HCN4: variants seen among roughly 807,000 people sequenced by gnomAD.
HCN4 encodes the protein hyperpolarization activated cyclic nucleotide gated potassium channel 4, also known as potassium/sodium hyperpolarization-activated cyclic nucleotide-gated channel 4.
HCN4 carries 29 observed loss-of-function variants against 76.9 expected under a neutral mutation model. That is an observed-to-expected ratio of 0.38 (90% CI 0.28 to 0.51). HCN4 has a LOEUF of 0.51. HCN4 is among the 20% of genes least tolerant of loss of function. The probability of loss-of-function intolerance (pLI) is 0.90; values close to 1 mark genes in which losing one functional copy is unlikely to be tolerated. For missense variants in HCN4, 1,416 were observed against 1,715.2 expected (o/e 0.83, Z 3.08); for synonymous variants, 772 against 762.5 (o/e 1.01, Z -0.21).
rs894325793 is a variant in HCN4, at chr15:73,367,677, G to C, written c.594C>G (p.Asp198Glu). ...IKVEGGAAAG[D>E]QILPEAEVRL... ...GCACCTCGGCCTCCGGGAGGATCTG[G>C]TCGCCGGCAGCCGCGCCTCCCTCCA... The change falls in exon 1 of 8, where the codon GAC becomes GAG. Residue 198 changes from aspartate (D) to glutamate (E), a missense_variant. Physicochemically the swap from Asp to Glu is conservative, Grantham distance 45 (BLOSUM62 2). Transcript: ENST00000261917. The surrounding 1 kb of genome is among the most constrained non-coding windows in gnomAD (Gnocchi z 7.5). The C allele has an allele frequency of 1.2e-6, 2 of 1,602,648 alleles. No homozygotes were observed. Among genetic ancestry groups the C allele is most frequent in the African/African-American group, 2.7e-5 (2 of 74,908 alleles).
At chr15:73,337,378 ACATCTAAATGAATGAGTGGGTAC>A (rs539153185) in intron 2 of HCN4, among the ~76,000 whole-genome samples, 38 of 152,368 alleles carry the variant, frequency 2.5e-4, no homozygotes, top group Non-Finnish European at 4.0e-4. Flanking sequence ...AAATGCGCGT[ACATCTAAATGAATGAGTGGGTAC>A]CATATGGGAG....
chr15:73,348,388 A>C (rs995362058), intron 1 of HCN4, among the ~76,000 whole-genome samples: 87 of 152,266 alleles, frequency 5.7e-4, no homozygotes, highest in African/African-American at 2.0e-3. Context: ...ATGCACAGAC[A>C]CGAACATGCG....
intron 2 of HCN4, among the ~76,000 whole-genome samples, chr15:73,338,134 T>C (rs2042977695): frequency 6.6e-6 from 1 of 152,196 alleles, no homozygotes; most frequent in South Asian, 2.1e-4. Flanking sequence ...GGGAAGTGGT[T>C]GCCGAGAACA....
At chr15:73,359,127 G>A (rs926025173) in intron 1 of HCN4, among the ~76,000 whole-genome samples, 2 of 152,252 alleles carry the variant, frequency 1.3e-5, no homozygotes, top group African/African-American at 2.4e-5. Context: ...ATCATCAGCA[G>A]CCAATTATCA....
At position 73,321,192 on chromosome 15, in the gene HCN4, A is replaced by G. The variant is rs1282443852; in HGVS notation, c.*1289T>C. 1 of 152,232 alleles carries G rather than the reference A, an allele frequency of 6.6e-6. No homozygotes were observed. Among genetic ancestry groups the G allele is most frequent in the Admixed American group, 6.5e-5 (1 of 15,278 alleles). 9.4% of individuals were successfully genotyped at this position (152,232 alleles called of 1,614,324 possible). ...TAACTTGCCCAAGATCATACAGCTA[A>G]GAAGTGGCAGGGCTGGGATTCAAAC... On this transcript the variant is annotated 3_prime_UTR_variant, in exon 8 of 8. Transcript: ENST00000261917.
intron 6 of HCN4, 53 bp downstream of exon 6, chr15:73,324,902 A>C (rs1413763389): frequency 2.2e-5 from 36 of 1,610,002 alleles, no homozygotes; most frequent in Non-Finnish European, 2.9e-5. Context: ...TATCTCCCCA[A>C]ACCAGCCCCT....
In HCN4 at chr15:73,343,774, C is replaced by T. The variant is rs752026560; in HGVS notation, c.820G>A (p.Val274Met). ...ACAGGAATGATAATCAGGTTTCCCACCATCAGCAGCAGCATGGTCAGGTCC... is the reference window on the plus strand; with the variant it reads ...ACAGGAATGATAATCAGGTTTCCCATCATCAGCAGCAGCATGGTCAGGTCC... Reference protein sequence around the residue: ...YWDLTMLLLMVGNLIIIPVGI... With the variant: ...YWDLTMLLLMMGNLIIIPVGI... Residue 274 changes from valine to methionine, a missense_variant, in exon 2 of 8, where the codon GTG becomes ATG. This residue lies in a region of HCN4 where 52 missense variants were observed against 129.1 expected (regional missense o/e 0.40). Transcript: ENST00000261917. This position sits in a 1 kb window ranked among gnomAD's most constrained non-coding sequence, Gnocchi z 5.7. The T allele has an allele frequency of 1.2e-6, 2 of 1,614,114 alleles. No individual in the cohort carries two copies. Among genetic ancestry groups the T allele is most frequent in the South Asian group, 1.1e-5 (1 of 91,084 alleles).
chr15:73,359,908 A>G (rs1436764352), intron 1 of HCN4, among the ~76,000 whole-genome samples: 1 of 152,228 alleles, frequency 6.6e-6, no homozygotes, highest in East Asian at 1.9e-4. Context: ...ACCGCCATCC[A>G]TGAACAGGGG....
At chr15:73,337,819 T>A (rs1213755228) in intron 2 of HCN4, among the ~76,000 whole-genome samples, 1 of 152,118 alleles carries the variant, frequency 6.6e-6, no homozygotes, top group African/African-American at 2.4e-5. Context: ...CCTACCCTTG[T>A]CCCTGTGGGA....
At chr15:73,336,357 C>T (rs1283586067) in intron 2 of HCN4, among the ~76,000 whole-genome samples, 1 of 152,120 alleles carries the variant, frequency 6.6e-6, no homozygotes, top group East Asian at 1.9e-4. Flanking sequence ...ACTGTGTTGC[C>T]GCCATCACAA....
At position 73,368,150 on chromosome 15, in the gene HCN4, G is replaced by C; in HGVS notation, c.121C>G (p.Gln41Glu). The C allele has an allele frequency of 6.6e-7, 1 of 1,522,884 alleles. No homozygotes were observed. The highest frequency in any genetic ancestry group is 8.8e-7 in the Non-Finnish European group (1 of 1,136,790). 94.3% of individuals were successfully genotyped at this position (1,522,884 alleles called of 1,614,324 possible). A position where few individuals can be genotyped will look rare whatever the true frequency, so the allele number is the denominator to read the frequency against. The change falls in exon 1 of 8, where the codon CAA becomes GAA. Residue 41 changes from glutamine (Q) to glutamate (E), a missense_variant. Around this residue, in one of 6 missense-constraint regions of HCN4, gnomAD observed 355 missense variants for 347.8 expected, o/e 1.02. Coordinates refer to ENST00000261917, the MANE Select transcript of HCN4 (RefSeq NM_005477.3). The surrounding 1 kb of genome is among the most constrained non-coding windows in gnomAD (Gnocchi z 6.9). ...DAEEEGAGGR[Q>E]DPSRRSIRLR... ...CGGATGCTCCTGCGGCTGGGGTCTTGGCGGCCCCCGGCCCCCTCCTCCTCG... is the reference window on the plus strand; with the variant it reads ...CGGATGCTCCTGCGGCTGGGGTCTTCGCGGCCCCCGGCCCCCTCCTCCTCG...
chr15:73,342,577 T>C (rs961063578), intron 2 of HCN4, among the ~76,000 whole-genome samples: 8 of 152,346 alleles, frequency 5.3e-5, no homozygotes, highest in African/African-American at 4.8e-5. Flanking sequence ...TCAGATCCCA[T>C]AGGGCTGAGG....
chr15:73,328,962 T>C lies in HCN4; in HGVS notation c.1590+611A>G, dbSNP rs2042915928. ...CATTACAGACATGAGGGGCGTGGGG[T>C]GTCCAGAGAGGGATGAAATAAACCA... On this transcript the variant is annotated intron_variant, in intron 4 of 7. Transcript: ENST00000261917. This position sits in a 1 kb window ranked among gnomAD's most constrained non-coding sequence, Gnocchi z 4.0. 6.6e-6 allele frequency among the ~76,000 whole-genome samples: 1 copy of C among 151,846 alleles called. No homozygotes were observed. The highest frequency in any genetic ancestry group is 6.6e-5 in the Admixed American group (1 of 15,264).
chr15:73,324,836 G>C, intron 6 of HCN4, 119 bp downstream of exon 6: 2 of 1,289,140 alleles, frequency 1.6e-6, no homozygotes, highest in Non-Finnish European at 2.2e-6. Context: ...TGGGCTCACA[G>C]ACACCTCCCT....
chr15:73,364,840 A>G (rs2043121471), intron 1 of HCN4, among the ~76,000 whole-genome samples: 1 of 152,108 alleles, frequency 6.6e-6, no homozygotes, highest in Non-Finnish European at 1.5e-5. Flanking sequence ...AAAGGCACCC[A>G]GCCTTCCTCC....
intron 1 of HCN4, among the ~76,000 whole-genome samples, chr15:73,348,577 C>T (rs1182842712): frequency 6.6e-6 from 1 of 152,202 alleles, no homozygotes; most frequent in African/African-American, 2.4e-5. Context: ...AGAAGAATGT[C>T]ATTGTTTTGT....
chr15:73,356,242 G>A (rs939613440), intron 1 of HCN4, among the ~76,000 whole-genome samples: 1 of 150,112 alleles, frequency 6.7e-6, no homozygotes, highest in African/African-American at 2.5e-5. Context: ...GCTGGAGTGT[G>A]GTGGTGCAAT....
In HCN4 at chr15:73,323,721, A is replaced by T; in HGVS notation, c.2372T>A (p.Val791Glu). 1 of 1,602,274 alleles carries T rather than the reference A, an allele frequency of 6.2e-7. No individual in the cohort carries two copies. Among genetic ancestry groups the T allele is most frequent in the Non-Finnish European group, 8.5e-7 (1 of 1,174,510 alleles). The change falls in exon 8 of 8, where the codon GTG (valine) becomes GAG (glutamate). Residue 791 changes from valine to glutamate, a missense_variant. This residue lies in a region of HCN4 where 633 missense variants were observed against 579.8 expected (regional missense o/e 1.09). Transcript: ENST00000261917. Reference protein sequence around the residue: ...PLQAAAATTSVAIALTHHPRL... With the variant: ...PLQAAAATTSEAIALTHHPRL... ...AGGGTGGTGGGTGAGGGCTATGGCCACAGAAGTGGTGGCAGCGGCAGCCTG... is the reference window on the plus strand; with the variant it reads ...AGGGTGGTGGGTGAGGGCTATGGCCTCAGAAGTGGTGGCAGCGGCAGCCTG...
rs1009119713 is a variant in HCN4 at position 73,325,623 on chromosome 15, TGCCCGGGCTCCCA to T, written c.1591-192_1591-180del. ...ATGACCTCACTGTGCTCAAAACAAC[TGCCCGGGCTCCCA>T]GCTGCTTGGCATGGAGGAGGGGCCC... On this transcript the variant is annotated intron_variant, in intron 4 of 7. Coordinates refer to ENST00000261917, the MANE Select transcript of HCN4 (RefSeq NM_005477.3). This position sits in a 1 kb window ranked among gnomAD's most constrained non-coding sequence, Gnocchi z 7.4. Among the ~76,000 whole-genome samples the T allele has an allele frequency of 6.6e-6, 1 of 152,158 alleles. No individual in the cohort carries two copies. Among genetic ancestry groups the T allele is most frequent in the African/African-American group, 2.4e-5 (1 of 41,432 alleles).
Sources: allele counts gnomAD v4.1 joint callset (sites outside exome capture counted in the v4.1 genomes callset), GRCh38; gene constraint gnomAD v4.1.1; regional missense constraint gnomAD v4.1.1; non-coding constraint Gnocchi (gnomAD v3.1); transcripts MANE v1.5; gene names NCBI Gene and HGNC (gene_info 2026-07-23, HGNC 2026-07-21).